ITGA6: variants seen among roughly 807,000 people sequenced by gnomAD.
ITGA6 encodes integrin subunit alpha 6.
A neutral mutation model predicts 133.6 loss-of-function variants in ITGA6; 63 were observed. That is an observed-to-expected ratio of 0.47 (90% CI 0.38 to 0.58). The LOEUF (loss-of-function observed/expected upper bound fraction) is 0.58. Ranked by LOEUF, ITGA6 falls within the 20% of genes least tolerant of loss-of-function variation. The pLI is 0.00. For missense variants in ITGA6, 1,068 were observed against 1,309.4 expected, an observed-to-expected ratio of 0.82 and a Z score of 2.85; for synonymous variants, 434 against 482.0, an observed-to-expected ratio of 0.90 and a Z score of 1.30.
At chr2:172,438,548 A>G (rs1444737290) in intron 1 of ITGA6, among the ~76,000 whole-genome samples, 1 of 151,852 alleles carries the variant, frequency 6.6e-6, no homozygotes, top group African/African-American at 2.4e-5. Flanking sequence ...CATTCTGTTG[A>G]TTTTGACATT....
intron 1 of ITGA6, among the ~76,000 whole-genome samples, chr2:172,459,295 G>A (rs1402142465): frequency 6.6e-6 from 1 of 152,174 alleles, no homozygotes; most frequent in Non-Finnish European, 1.5e-5. Flanking sequence ...CTTGAGGCCA[G>A]GAGTTCAAGA....
chr2:172,452,193 C>T lies in ITGA6; in HGVS notation c.183-13346C>T, dbSNP rs144138582. Among the ~76,000 whole-genome samples, 311 of 152,246 alleles carry T rather than the reference C, an allele frequency of 2.0e-3. 3 individuals are homozygous for T. The highest frequency in any genetic ancestry group is 2.4e-3 in the Non-Finnish European group (166 of 68,032). ...ATAGGTGGTTCATTGCTTTGACTAC[C>T]AGAGGCCTTAAATGCAGGTTGCGTA... On this transcript the variant is annotated intron_variant, in intron 1 of 25. Transcript: ENST00000684293.
chr2:172,456,203 C>T (rs1685200838), intron 1 of ITGA6, among the ~76,000 whole-genome samples: 1 of 152,174 alleles, frequency 6.6e-6, no homozygotes, highest in Non-Finnish European at 1.5e-5. Flanking sequence ...GAGGGTCAAG[C>T]TGCGGGAAAG....
At chr2:172,428,544 T>G (rs1336075600) in intron 1 of ITGA6, 2 of 60,040 alleles carry the variant, frequency 3.3e-5, no homozygotes, top group East Asian at 2.9e-3. Context: ...TACATGCCTT[T>G]GAAAAAAAAA....
chr2:172,460,330 C>T (rs1343552401), intron 1 of ITGA6, among the ~76,000 whole-genome samples: 1 of 152,138 alleles, frequency 6.6e-6, no homozygotes, highest in Non-Finnish European at 1.5e-5. Flanking sequence ...AAGGAAGAAT[C>T]CAAATGCTCA....
intron 1 of ITGA6, among the ~76,000 whole-genome samples, chr2:172,446,060 G>A (rs1310174167): frequency 6.6e-6 from 1 of 152,254 alleles, no homozygotes; most frequent in Non-Finnish European, 1.5e-5. Context: ...ATGGGAAAGA[G>A]GAGAACTGAT....
chr2:172,469,263 G>C lies in ITGA6; in HGVS notation c.526G>C (p.Asp176His), dbSNP rs1255920899. Residue 176 changes from aspartate (D) to histidine (H), a missense_variant, in exon 4 of 26, where the codon GAT (aspartate) becomes CAT (histidine). Coordinates refer to ENST00000684293, the MANE Select transcript of ITGA6 (RefSeq NM_000210.4). ...DMDGGDWSFC[D>H]GRLRGHEKFG... is the part of the protein sequence containing the mutation. ...GGATGGGGGAGATTGGAGCTTTTGT[G>C]ATGGGCGATTGAGAGGCCATGAGAA... 1.2e-6 allele frequency: 2 copies of C among 1,614,164 alleles called. No homozygotes were observed. The highest frequency in any genetic ancestry group is 2.2e-5 in the South Asian group (2 of 91,088).
chr2:172,491,521 C>G lies in ITGA6; in HGVS notation c.2986C>G (p.Gln996Glu). ...ENIRLPNAGT[Q>E]VRVTVFPSKT... is the part of the protein sequence containing the mutation. ...TATCAGGCTGCCAAATGCAGGCACTCAGGTGAGAGGTTCCCCAGCTTCATT... is the reference window on the plus strand; with the variant it reads ...TATCAGGCTGCCAAATGCAGGCACTGAGGTGAGAGGTTCCCCAGCTTCATT... The change falls in exon 23 of 26, where the codon CAG becomes GAG. Residue 996 changes from glutamine to glutamate, a missense_variant and splice_region_variant. By Grantham distance (29) the Gln-to-Glu change is conservative. Around this residue, in one of 3 missense-constraint regions of ITGA6, gnomAD observed 609 missense variants for 707.2 expected, o/e 0.86. Transcript: ENST00000684293. This position sits in a 1 kb window ranked among gnomAD's most constrained non-coding sequence, Gnocchi z 4.4. 3 of 1,603,998 alleles carry G rather than the reference C, an allele frequency of 1.9e-6. No individual in the cohort carries two copies. The highest frequency in any genetic ancestry group is 1.1e-5 in the South Asian group (1 of 90,846).
intron 13 of ITGA6, among the ~76,000 whole-genome samples, chr2:172,485,511 G>A (rs893994254): frequency 4.6e-5 from 7 of 152,110 alleles, no homozygotes; most frequent in Admixed American, 1.3e-4. Context: ...ATAACCTATC[G>A]AGACTATAAA....
At chr2:172,476,585 C>G in intron 9 of ITGA6, 72 bp downstream of exon 9, 1 of 915,350 alleles carries the variant, frequency 1.1e-6, no homozygotes, top group Non-Finnish European at 1.8e-6. Context: ...ACCTTTTGGA[C>G]TGAAATTTGT....
upstream of ITGA6, chr2:172,427,372 C>T (rs1683879576): frequency 9.9e-6 from 10 of 1,008,822 alleles, no homozygotes; most frequent in Non-Finnish European, 1.1e-5. Flanking sequence ...CCACAGAGGG[C>T]GGCGCAGTGG....
intron 1 of ITGA6, among the ~76,000 whole-genome samples, chr2:172,437,868 C>T (rs1236378705): frequency 6.7e-6 from 1 of 149,224 alleles, no homozygotes; most frequent in Non-Finnish European, 1.5e-5. Context: ...TCCTGGAAAC[C>T]ACATGATGGG....
rs143705860 is a variant in ITGA6, at chr2:172,484,458, C to T, written c.1550-324C>T. Among the ~76,000 whole-genome samples, 463 of 152,254 alleles carry T rather than the reference C, an allele frequency of 3.0e-3. 3 individuals carry two copies. Among genetic ancestry groups the T allele is most frequent in the African/African-American group, 0.011 (453 of 41,558 alleles). On this transcript the variant is annotated intron_variant, in intron 11 of 25. Coordinates refer to ENST00000684293, the MANE Select transcript of ITGA6 (RefSeq NM_000210.4). The stretch of plus-strand genomic sequence containing the variant: ...GGGAGTGTTGGGTTCCTCTGCTTAT[C>T]GTTAGTATTCTGTGGGTTCATGAAC...
chr2:172,496,837 TGC>T (rs1687147110), intron 23 of ITGA6, among the ~76,000 whole-genome samples: 1 of 152,272 alleles, frequency 6.6e-6, no homozygotes, highest in Non-Finnish European at 1.5e-5. Flanking sequence ...TTGTTGGAAT[TGC>T]CAGAAGCAGC....
intron 1 of ITGA6, among the ~76,000 whole-genome samples, chr2:172,442,713 G>C (rs1424298264): frequency 6.6e-6 from 1 of 152,160 alleles, no homozygotes; most frequent in African/African-American, 2.4e-5. Flanking sequence ...CGCACAGTAG[G>C]TACGTGTTTG....
chr2:172,466,023 T>C (rs1685657768), intron 2 of ITGA6: 1 of 351,204 alleles, frequency 2.8e-6, no homozygotes, highest in African/African-American at 2.1e-5. Context: ...TCTCACATGC[T>C]GTTAAAATAT....
In ITGA6 at chr2:172,485,392, A is replaced by C. The variant is rs1686623682; in HGVS notation, c.1854+128A>C. On this transcript the variant is annotated intron_variant, in intron 13 of 25. Coordinates refer to ENST00000684293, the MANE Select transcript of ITGA6 (RefSeq NM_000210.4). ...CATTCTTTTGTGTTAATATGTTTTT[A>C]ATGTACGCAAAGTTAGAGAAGACTT... The C allele has an allele frequency of 7.0e-6, 6 of 856,908 alleles. No homozygotes were observed. The Admixed American group carries it at 1.1e-4, about 16-fold the overall frequency. The allele number at this position is 856,908 out of a possible 1,614,324, so 53.1% of individuals were successfully genotyped here.
chr2:172,485,563 A>G (rs1374167370), intron 13 of ITGA6, among the ~76,000 whole-genome samples: 1 of 152,246 alleles, frequency 6.6e-6, no homozygotes, highest in East Asian at 1.9e-4. Flanking sequence ...CTTTAGCTGT[A>G]CATAGAAAGA....
chr2:172,477,480 T>C (rs939348569), intron 9 of ITGA6, among the ~76,000 whole-genome samples: 5 of 152,256 alleles, frequency 3.3e-5, no homozygotes, highest in Admixed American at 6.5e-5. Context: ...TCTCTACTTT[T>C]AGGGTATCAT....
Sources: gnomAD v4.1 joint callset for allele counts (sites outside exome capture counted in the v4.1 genomes callset) on GRCh38, gnomAD v4.1.1 for gene constraint, gnomAD v4.1.1 regional missense constraint, Gnocchi (gnomAD v3.1) non-coding constraint, MANE v1.5 for transcripts, NCBI Gene and HGNC (gene_info 2026-07-23, HGNC 2026-07-21) for gene names.